The following ARID4B variants were observed in gnomAD, a reference collection of about 807,000 sequenced individuals.
ARID4B encodes the protein AT-rich interaction domain 4B, also known as AT-rich interactive domain-containing protein 4B.
Under a neutral mutation model 147.5 loss-of-function variants are expected in ARID4B, and 26 were observed. The ratio of observed to expected loss-of-function variants is 0.18; its 90% CI spans 0.13 to 0.24. The LOEUF is 0.24. ARID4B is among the 10% of genes least tolerant of loss of function. ARID4B has a pLI of 1.00. For missense variants in ARID4B, 1,179 were observed against 1,511.5 expected (o/e 0.78, Z 3.65); for synonymous variants, 512 against 507.9 (o/e 1.01, Z -0.11).
At chr1:235,309,539 G>T (rs1378448857) in intron 2 of ARID4B, among the ~76,000 whole-genome samples, 1 of 148,970 alleles carries the variant, frequency 6.7e-6, no homozygotes, top group African/African-American at 2.4e-5. Context: ...CGCCCCGTCC[G>T]GGAGGGAGGT....
intron 2 of ARID4B, among the ~76,000 whole-genome samples, chr1:235,318,465 C>T (rs1469855545): frequency 6.6e-6 from 1 of 152,000 alleles, no homozygotes; most frequent in Non-Finnish European, 1.5e-5. Flanking sequence ...AGCCATCGCG[C>T]CTGGTCAACA....
intron 7 of ARID4B, among the ~76,000 whole-genome samples, chr1:235,241,249 GACA>G (rs1668959240): frequency 2.0e-5 from 3 of 152,232 alleles, no homozygotes; most frequent in African/African-American, 4.8e-5. Flanking sequence ...ATGTTTGATG[GACA>G]ACAACATATG....
intron 2 of ARID4B, among the ~76,000 whole-genome samples, chr1:235,293,895 T>C (rs189353452): frequency 1.3e-5 from 2 of 152,326 alleles, no homozygotes; most frequent in African/African-American, 4.8e-5. Flanking sequence ...ATTTAAGCAA[T>C]GTAATCTGGA....
chr1:235,172,561 G>T, intron 23 of ARID4B, 57 bp downstream of exon 23: 1 of 1,274,860 alleles, frequency 7.8e-7, no homozygotes, highest in Non-Finnish European at 1.0e-6. Flanking sequence ...CTGGCGACAA[G>T]AGTGAAACTC....
chr1:235,284,747 G>A (rs1361981404), intron 2 of ARID4B, among the ~76,000 whole-genome samples: 1 of 152,074 alleles, frequency 6.6e-6, no homozygotes, highest in African/African-American at 2.4e-5. Context: ...TAAAACTAGA[G>A]GCTGGACATG....
At chr1:235,255,264 T>TCG (rs1553304332) in intron 5 of ARID4B, among the ~76,000 whole-genome samples, 10 of 109,956 alleles carry the variant, frequency 9.1e-5, no homozygotes, top group African/African-American at 3.2e-4. Flanking sequence ...GATAGATAGA[T>TCG]ATATATCTCT....
intron 2 of ARID4B, among the ~76,000 whole-genome samples, chr1:235,302,153 G>GAAAAAAAAAAAAAAAAAAAAA (rs749154889): frequency 6.5e-5 from 2 of 30,660 alleles, no homozygotes; most frequent in South Asian, 3.0e-3. Context: ...TCAAAAAACG[G>GAAAAAAAAAAAAAAAAAAAAA]AAAAAAAAAA....
intron 2 of ARID4B, among the ~76,000 whole-genome samples, chr1:235,305,658 A>G (rs78840521): frequency 0.04 from 6,080 of 152,212 alleles, 455 homozygotes; most frequent in African/African-American, 0.14. Context: ...GGGTATTTTG[A>G]GAATTAAAAT....
intron 2 of ARID4B, among the ~76,000 whole-genome samples, chr1:235,266,955 G>C (rs1292876534): frequency 1.3e-5 from 2 of 152,214 alleles, no homozygotes; most frequent in African/African-American, 4.8e-5. Context: ...AGAAGAATCA[G>C]AAAACAAGAG....
In ARID4B at chr1:235,168,293, C is replaced by A; in HGVS notation, c.*232G>T. 2.3e-6 allele frequency: 1 copy of A among 433,118 alleles called. No homozygotes were observed. The highest frequency in any genetic ancestry group is 4.1e-6 in the Non-Finnish European group (1 of 242,282). 26.8% of individuals were successfully genotyped at this position (433,118 alleles called of 1,614,324 possible). The stretch of plus-strand genomic sequence containing the variant: ...GCCACAGTGGAAGGCCTTCCAGTTA[C>A]CAGACACACAATTCCCAGACAAGTT... On this transcript the variant is annotated 3_prime_UTR_variant, in exon 24 of 24. Transcript: ENST00000264183.
At position 235,328,174 on chromosome 1, in the gene ARID4B, G is replaced by C. The variant is rs1376681593; in HGVS notation, c.-455C>G. On this transcript the variant is annotated 5_prime_UTR_variant, in exon 1 of 24. Coordinates refer to ENST00000264183, the MANE Select transcript of ARID4B (RefSeq NM_016374.6). ...TCCTCACTCCGGACTCGACTGACGG[G>C]CAAACATCGCTTCCCCCCCACCGAC... is the stretch of plus-strand genomic sequence containing the variant. 1 of 152,710 alleles carries C rather than the reference G, an allele frequency of 6.5e-6. No individual in the cohort carries two copies. The highest frequency in any genetic ancestry group is 1.5e-5 in the Non-Finnish European group (1 of 68,222). The allele number at this position is 152,710 out of a possible 1,614,324, so 9.5% of individuals were successfully genotyped here.
At chr1:235,187,077 CTTTTTTTT>C (rs11335836) in intron 19 of ARID4B, 7 of 267,182 alleles carry the variant, frequency 2.6e-5, no homozygotes, top group Admixed American at 6.0e-5. Flanking sequence ...GCATCTTATT[CTTTTTTTT>C]TTTTTTTTTT....
intron 2 of ARID4B, among the ~76,000 whole-genome samples, chr1:235,278,614 T>C (rs1558272213): frequency 6.6e-6 from 1 of 152,256 alleles, no homozygotes; most frequent in East Asian, 1.9e-4. Context: ...AACTGTTAAT[T>C]TACTTATCTT....
At chr1:235,237,511 T>C (rs10925192) in intron 8 of ARID4B, among the ~76,000 whole-genome samples, 70,782 of 152,002 alleles carry the variant, frequency 0.47, 16,813 homozygotes, top group South Asian at 0.6. Flanking sequence ...TTACTGCATA[T>C]TTAATTTGTG....
chr1:235,251,896 T>A (rs1669667745), intron 6 of ARID4B, among the ~76,000 whole-genome samples: 1 of 152,200 alleles, frequency 6.6e-6, no homozygotes, highest in Non-Finnish European at 1.5e-5. Context: ...CTGCTCTTAG[T>A]AACATCTTTC....
At chr1:235,250,012 C>T (rs1179971157) in intron 6 of ARID4B, among the ~76,000 whole-genome samples, 1 of 151,522 alleles carries the variant, frequency 6.6e-6, no homozygotes. Context: ...GAGGCTGAGG[C>T]AGCAGAATGG....
chr1:235,326,606 T>C (rs1012106154), intron 2 of ARID4B, among the ~76,000 whole-genome samples: 4 of 152,240 alleles, frequency 2.6e-5, no homozygotes, highest in African/African-American at 9.6e-5. Context: ...AGGGTCAGAT[T>C]ACCTGACTTG....
chr1:235,187,161 A>G, intron 19 of ARID4B: 1 of 298,346 alleles, frequency 3.4e-6, no homozygotes, highest in South Asian at 2.6e-5. Context: ...AGCTCACCGC[A>G]ACCTCCGCCT....
At chr1:235,304,185 G>C (rs1673386356) in intron 2 of ARID4B, among the ~76,000 whole-genome samples, 1 of 151,920 alleles carries the variant, frequency 6.6e-6, no homozygotes, top group African/African-American at 2.4e-5. Context: ...GTGAAACCCT[G>C]CCTCTACAAA....
Sources: allele counts gnomAD v4.1 joint callset (sites outside exome capture counted in the v4.1 genomes callset), GRCh38; gene constraint gnomAD v4.1.1; transcripts MANE v1.5; gene names NCBI Gene and HGNC (gene_info 2026-07-23, HGNC 2026-07-21).